Variants in CDH8 observed in about 807,000 individuals in gnomAD.
The protein encoded by CDH8 is cadherin-8.
A neutral mutation model predicts 68.1 loss-of-function variants in CDH8; 17 were observed. That is an observed-to-expected ratio of 0.25 (90% CI 0.17 to 0.37). The LOEUF is 0.37. CDH8 is among the 10% of genes least tolerant of loss of function. The probability of loss-of-function intolerance (pLI) is 1.00; values close to 1 mark genes in which losing one functional copy is unlikely to be tolerated. For synonymous variants in CDH8, 372 were observed against 365.1 expected (o/e 1.02, Z -0.21); for missense variants, 763 against 999.3 (o/e 0.76, Z 3.19).
In CDH8 at chr16:61,919,734, A is replaced by G. The variant is rs543635388; in HGVS notation, c.253-18261T>C. On this transcript the variant is annotated intron_variant, in intron 2 of 11. Coordinates refer to ENST00000577390, the MANE Select transcript of CDH8 (RefSeq NM_001796.5). ...GGGGAGAATGGAACCAAGTTGGAAA[A>G]CACTCTGCAGGATATTATCCAGGAG... Among the ~76,000 whole-genome samples, 8 of 152,140 alleles carry G rather than the reference A, an allele frequency of 5.3e-5. No homozygotes were observed. In the East Asian group the frequency reaches 1.6e-3, roughly 30 times the overall value.
intron 8 of CDH8, among the ~76,000 whole-genome samples, chr16:61,750,195 G>A (rs1420202046): frequency 6.6e-6 from 1 of 152,050 alleles, no homozygotes; most frequent in African/African-American, 2.4e-5. Flanking sequence ...CATTTGCTTA[G>A]GATAATGGTA....
At chr16:62,023,592 A>G (rs1902125756) in intron 1 of CDH8, among the ~76,000 whole-genome samples, 1 of 152,158 alleles carries the variant, frequency 6.6e-6, no homozygotes, top group Admixed American at 6.5e-5. Context: ...CCTGCCCTAG[A>G]GAGGCTTTGA....
intron 2 of CDH8, among the ~76,000 whole-genome samples, chr16:61,962,015 T>C (rs1243004549): frequency 1.3e-5 from 2 of 152,240 alleles, no homozygotes; most frequent in East Asian, 1.9e-4. Flanking sequence ...ATATGCTCTA[T>C]TCTTAGAATT....
intron 3 of CDH8, among the ~76,000 whole-genome samples, chr16:61,861,716 C>T (rs1963153277): frequency 6.6e-6 from 1 of 152,194 alleles, no homozygotes. Flanking sequence ...CCAACATTTA[C>T]TAGCTCTGTG....
intron 2 of CDH8, among the ~76,000 whole-genome samples, chr16:61,983,460 A>C (rs1965572443): frequency 6.6e-6 from 1 of 152,210 alleles, no homozygotes; most frequent in Non-Finnish European, 1.5e-5. Context: ...TCTCAGAAGA[A>C]AATTACTAGG....
At chr16:61,843,691 A>G (rs552199734) in intron 4 of CDH8, among the ~76,000 whole-genome samples, 2 of 152,266 alleles carry the variant, frequency 1.3e-5, no homozygotes, top group South Asian at 4.1e-4. Flanking sequence ...AAAAAAGTTT[A>G]TATGTGTGCA....
Position 61,655,018 on chromosome 16 carries a change from T to C in CDH8, c.1906+452A>G, listed in dbSNP as rs536097855. 2.6e-5 allele frequency among the ~76,000 whole-genome samples: 4 copies of C among 152,324 alleles called. No homozygotes were observed. In the South Asian group the frequency reaches 8.3e-4, roughly 32 times the overall value. ...TGGTATTTTGAAGAAAACTTATTTT[T>C]AGTTTGCTCATTTGCTTTCTTTTTA... On this transcript the variant is annotated intron_variant, in intron 11 of 11. Coordinates refer to ENST00000577390, the MANE Select transcript of CDH8 (RefSeq NM_001796.5).
intron 2 of CDH8, among the ~76,000 whole-genome samples, chr16:61,996,134 A>G (rs1349989136): frequency 6.6e-6 from 1 of 152,248 alleles, no homozygotes; most frequent in East Asian, 1.9e-4. Context: ...AATGTTTACT[A>G]GTGCCTCTTC....
chr16:61,734,345 GA>G (rs1051647876), intron 8 of CDH8, among the ~76,000 whole-genome samples: 4 of 147,192 alleles, frequency 2.7e-5, no homozygotes, highest in Admixed American at 2.0e-4. Flanking sequence ...TTGCTGGGGG[GA>G]AAATGATTTC....
chr16:61,822,590 A>C (rs1395721394), intron 5 of CDH8, among the ~76,000 whole-genome samples: 4 of 151,834 alleles, frequency 2.6e-5, no homozygotes, highest in African/African-American at 7.2e-5. Context: ...ATGGGATAAA[A>C]ACATCTCTCT....
At chr16:61,703,568 C>T (rs965316704) in intron 10 of CDH8, among the ~76,000 whole-genome samples, 2 of 152,230 alleles carry the variant, frequency 1.3e-5, no homozygotes, top group East Asian at 1.9e-4. Flanking sequence ...AGGCCAGGTG[C>T]GGTGGCTCAC....
At position 61,650,237 on chromosome 16, in the gene CDH8, A is replaced by G. The variant is rs1963290567; in HGVS notation, c.*3371T>C. The stretch of plus-strand genomic sequence containing the variant: ...AATACTCTTTAATATTCATATATGG[A>G]TGTTTAAGAGACACTTTGCTAATAT... On this transcript the variant is annotated 3_prime_UTR_variant, in exon 12 of 12. Transcript: ENST00000577390. 6.6e-6 allele frequency: 1 copy of G among 152,090 alleles called. No homozygotes were observed. Among genetic ancestry groups the G allele is most frequent in the Non-Finnish European group, 1.5e-5 (1 of 68,006 alleles). 9.4% of individuals were successfully genotyped at this position (152,090 alleles called of 1,614,324 possible).
intron 9 of CDH8, chr16:61,726,808 T>C (rs1337588050): frequency 2.3e-6 from 1 of 431,450 alleles, no homozygotes; most frequent in Non-Finnish European, 4.1e-6. Context: ...CTCTAAGACA[T>C]CTCCTGCTAT....
chr16:61,857,181 C>G lies in CDH8; in HGVS notation c.605G>C (p.Ser202Thr). ...CAATATACTATAAACCAACTTTGCA[C>G]TGTTTCCATAAACTGGGTCATCAGC... ...TDADDPVYGNSAKLVYSILEG... is the reference protein window; with the variant it reads ...TDADDPVYGNTAKLVYSILEG... The change falls in exon 4 of 12, where the codon AGT becomes ACT. Residue 202 changes from serine (S) to threonine (T), a missense_variant. Physicochemically the swap from Ser to Thr is moderately conservative, Grantham distance 58 (BLOSUM62 1). This residue lies in a region of CDH8 where 366 missense variants were observed against 563.1 expected (regional missense o/e 0.65). Transcript: ENST00000577390. 6.2e-7 allele frequency: 1 copy of G among 1,613,376 alleles called. No homozygotes were observed. Among genetic ancestry groups the G allele is most frequent in the Non-Finnish European group, 8.5e-7 (1 of 1,179,428 alleles).
At chr16:61,692,593 T>A (rs2142833328) in intron 10 of CDH8, 1 of 151,966 alleles carries the variant, frequency 6.6e-6, no homozygotes, top group South Asian at 2.1e-4. Context: ...TTGTTTGTTT[T>A]CATTGAAGGA....
chr16:61,774,203 A>G (rs892260416), intron 8 of CDH8, among the ~76,000 whole-genome samples: 1 of 151,984 alleles, frequency 6.6e-6, no homozygotes, highest in Admixed American at 6.6e-5. Flanking sequence ...GGCTGGCATT[A>G]TTCAAGGCTT....
At chr16:62,035,743 T>A (rs1902441627) in intron 1 of CDH8, among the ~76,000 whole-genome samples, 1 of 150,394 alleles carries the variant, frequency 6.6e-6, no homozygotes, top group African/African-American at 2.4e-5. Flanking sequence ...CCTGCCTGCG[T>A]TGGGAAGCGG....
intron 2 of CDH8, among the ~76,000 whole-genome samples, chr16:61,991,156 A>G (rs1329703134): frequency 6.6e-6 from 1 of 152,168 alleles, no homozygotes; most frequent in Non-Finnish European, 1.5e-5. Context: ...CCCTAAACCA[A>G]CTTGGCACGT....
chr16:61,974,741 G>A (rs1965405875), intron 2 of CDH8, among the ~76,000 whole-genome samples: 1 of 152,060 alleles, frequency 6.6e-6, no homozygotes, highest in Non-Finnish European at 1.5e-5. Flanking sequence ...GTAATTCTAG[G>A]AGCTATGACA....
Sources: allele counts gnomAD v4.1 joint callset (sites outside exome capture counted in the v4.1 genomes callset), GRCh38; gene constraint gnomAD v4.1.1; regional missense constraint gnomAD v4.1.1; transcripts MANE v1.5; gene names NCBI Gene and HGNC (gene_info 2026-07-23, HGNC 2026-07-21).